The following USP28 variants were observed in gnomAD, a reference collection of about 807,000 sequenced individuals.
The protein encoded by USP28 is ubiquitin specific peptidase 28, also known as ubiquitin carboxyl-terminal hydrolase 28.
Under a neutral mutation model 145.0 loss-of-function variants are expected in USP28, and 113 were observed. The observed-to-expected ratio is 0.78, with a 90% CI of 0.67 to 0.91. USP28 has a LOEUF of 0.91. Among genes scored for constraint, USP28 ranks in the 40% least tolerant of loss-of-function variants. The pLI is 0.00. For missense variants in USP28, 1,201 were observed against 1,289.6 expected, an observed-to-expected ratio of 0.93 and a Z score of 1.05; for synonymous variants, 447 against 450.9, an observed-to-expected ratio of 0.99 and a Z score of 0.11.
Position 113,841,689 on chromosome 11 carries a change from AATTTTGG to A in USP28, c.341_347del (p.Pro114LeufsTer49). The A allele has an allele frequency of 6.2e-7, 1 of 1,612,958 alleles. No homozygotes were observed. The highest frequency in any genetic ancestry group is 8.5e-7 in the Non-Finnish European group (1 of 1,179,248). On this transcript the variant is annotated frameshift_variant, in exon 4 of 25. Transcript: ENST00000003302. LOFTEE classifies it high-confidence loss of function. ...TGTTAAGATCTCTTCCATCAGCTTG[AATTTTGG>A]GAGACTCCAGTAGACTCAAAGCAAT... is the stretch of plus-strand genomic sequence containing the variant.
At chr11:113,823,760 C>T (rs1942973510) in intron 11 of USP28, 60 bp from the exon 12 acceptor site, 4 of 1,367,456 alleles carry the variant, frequency 2.9e-6, no homozygotes, top group South Asian at 1.4e-5. Flanking sequence ...CATAAAGTCT[C>T]AGTAAACTAA....
chr11:113,811,533 CA>C (rs1458641278), intron 16 of USP28, among the ~76,000 whole-genome samples: 3 of 152,174 alleles, frequency 2.0e-5, no homozygotes, highest in South Asian at 4.1e-4. Flanking sequence ...ACTAAAAATA[CA>C]AAAATCAGCT....
At chr11:113,874,049 G>C (rs780713790) in intron 1 of USP28, among the ~76,000 whole-genome samples, 15 of 151,456 alleles carry the variant, frequency 9.9e-5, no homozygotes, top group Non-Finnish European at 1.9e-4. Flanking sequence ...GCTGAGGCAG[G>C]AGAATCGCTT....
At chr11:113,823,224 C>G (rs558104880) in intron 12 of USP28, among the ~76,000 whole-genome samples, 1 of 152,136 alleles carries the variant, frequency 6.6e-6, no homozygotes, top group Admixed American at 6.5e-5. Flanking sequence ...TGTTTTTTAT[C>G]TTTCTTAGAC....
intron 7 of USP28, among the ~76,000 whole-genome samples, chr11:113,832,523 G>A (rs1055363650): frequency 5.3e-5 from 8 of 152,128 alleles, no homozygotes; most frequent in Admixed American, 5.2e-4. Flanking sequence ...TAGCTAGAAG[G>A]AAGCTGGAAC....
intron 3 of USP28, among the ~76,000 whole-genome samples, chr11:113,846,856 G>C (rs922729307): frequency 1.3e-5 from 2 of 152,120 alleles, no homozygotes; most frequent in African/African-American, 4.8e-5. Flanking sequence ...TTAGCTGGGT[G>C]TGGTGGCGTG....
intron 1 of USP28, among the ~76,000 whole-genome samples, chr11:113,863,835 C>T (rs1188304334): frequency 1.3e-5 from 2 of 151,662 alleles, no homozygotes; most frequent in African/African-American, 2.4e-5. Context: ...GTCCCAGCTA[C>T]TCGGGAGGCT....
intron 1 of USP28, among the ~76,000 whole-genome samples, chr11:113,858,869 A>C (rs1426710739): frequency 6.6e-6 from 1 of 152,154 alleles, no homozygotes; most frequent in Non-Finnish European, 1.5e-5. Flanking sequence ...TCGGCCTCCC[A>C]AAGTGTTGGG....
At chr11:113,835,409 C>T (rs1944455045) in intron 5 of USP28, 4 of 452,248 alleles carry the variant, frequency 8.8e-6, no homozygotes, top group South Asian at 6.3e-5. Context: ...AGGTATATTT[C>T]CTAATGTCAA....
At chr11:113,817,558 G>GCT in intron 13 of USP28, 100 bp downstream of exon 13, 1 of 1,350,520 alleles carries the variant, frequency 7.4e-7, no homozygotes, top group Non-Finnish European at 1.0e-6. Flanking sequence ...CAGCTCCTGT[G>GCT]CTCTTATAGG....
intron 11 of USP28, among the ~76,000 whole-genome samples, chr11:113,826,755 A>G (rs1943398049): frequency 6.6e-6 from 1 of 151,930 alleles, no homozygotes; most frequent in Non-Finnish European, 1.5e-5. Flanking sequence ...CCCCGTCTCT[A>G]CTAAAAATAT....
At chr11:113,834,845 G>A (rs1318190741) in intron 5 of USP28, among the ~76,000 whole-genome samples, 1 of 152,056 alleles carries the variant, frequency 6.6e-6, no homozygotes, top group African/African-American at 2.4e-5. Flanking sequence ...AAAAACAAGA[G>A]CTATGTGTAT....
At chr11:113,874,416 C>G in intron 1 of USP28, 1 of 995,778 alleles carries the variant, frequency 1.0e-6, no homozygotes, top group Non-Finnish European at 1.3e-6. Flanking sequence ...CAGAGGGAGA[C>G]TCTGTCGAAA....
intron 7 of USP28, among the ~76,000 whole-genome samples, 200 bp downstream of exon 7, chr11:113,833,220 G>A (rs540887218): frequency 3.2e-4 from 49 of 152,046 alleles, no homozygotes; most frequent in African/African-American, 1.0e-3. Flanking sequence ...GCCAGCCCCC[G>A]TGCAACACAC....
At chr11:113,831,034 G>A in intron 8 of USP28, 91 bp from the exon 9 acceptor site, 2 of 1,339,450 alleles carry the variant, frequency 1.5e-6, no homozygotes, top group South Asian at 2.4e-5. Flanking sequence ...CAAAAATAGT[G>A]CATTTTCATC....
rs781332052 is a variant in USP28 at position 113,812,299 on chromosome 11, T to C, written c.1949A>G (p.Asp650Gly). 19 of 1,613,990 alleles carry C rather than the reference T, an allele frequency of 1.2e-5. No homozygotes were observed. In the South Asian group the frequency reaches 1.9e-4, roughly 16 times the overall value. Residue 650 changes from aspartate to glycine, a missense_variant, in exon 16 of 25, where the codon GAC becomes GGC. By Grantham distance (94) the Asp-to-Gly change is moderately conservative. Coordinates refer to ENST00000003302, the Ensembl canonical transcript of USP28. ...ACCTGCATTGAAGTAGGGTAGTTTG[T>C]CATTAATGTACATCAGACAGTAAGC...
intron 9 of USP28, among the ~76,000 whole-genome samples, chr11:113,830,550 G>T (rs1383647727): frequency 6.6e-6 from 1 of 152,184 alleles, no homozygotes; most frequent in African/African-American, 2.4e-5. Flanking sequence ...TTGAGATTAA[G>T]TATTATATTA....
intron 8 of USP28, 115 bp from the exon 9 acceptor site, chr11:113,831,058 C>A: frequency 1.0e-6 from 1 of 967,768 alleles, no homozygotes; most frequent in East Asian, 2.5e-5. Context: ...CCCCAAAGAG[C>A]CAGGTATGAT....
chr11:113,836,296 T>C (rs1257079601), intron 5 of USP28, among the ~76,000 whole-genome samples: 1 of 152,252 alleles, frequency 6.6e-6, no homozygotes, highest in East Asian at 1.9e-4. Flanking sequence ...AACAAGTCCC[T>C]TGGCCTCTGA....
Sources: allele counts gnomAD v4.1 joint callset (sites outside exome capture counted in the v4.1 genomes callset), GRCh38; gene constraint gnomAD v4.1.1; transcripts MANE v1.5; gene names NCBI Gene and HGNC (gene_info 2026-07-23, HGNC 2026-07-21).